The following TOX3 variants were observed in gnomAD, a reference collection of about 807,000 sequenced individuals.
The protein encoded by TOX3 is TOX high mobility group box family member 3.
A neutral mutation model predicts 64.3 loss-of-function variants in TOX3; 22 were observed. The ratio of observed to expected loss-of-function variants is 0.34; its 90% confidence interval spans 0.24 to 0.49. The LOEUF is 0.49. Ranked by LOEUF, TOX3 falls within the 20% of genes least tolerant of loss-of-function variation. TOX3 has a pLI of 0.99. For missense variants in TOX3, 661 were observed against 714.4 expected, an observed-to-expected ratio of 0.93 and a Z score of 0.85; for synonymous variants, 291 against 273.6, an observed-to-expected ratio of 1.06 and a Z score of -0.63.
rs371243582 is a variant in TOX3, at chr16:52,439,459, C to T, written c.1497G>A (p.Gln499=). Residue 499 remains glutamine (Q), a synonymous_variant, in exon 7 of 7, where the codon CAG becomes CAA. Coordinates refer to ENST00000219746, the MANE Select transcript of TOX3 (RefSeq NM_001080430.4). The part of the protein sequence containing the change: ...HLQQQQQHLQ[Q]QINQQQLQQQ... ...GCTGCAGCTGCTGTTGATTAATTTG[C>T]TGCTGGAGATGCTGCTGCTGCTGCT... The T allele has an allele frequency of 9.9e-5, 147 of 1,486,452 alleles. 3 individuals are homozygous for T. Among genetic ancestry groups the T allele is most frequent in the South Asian group, 8.7e-4 (73 of 83,526 alleles). 92.1% of individuals were successfully genotyped at this position (1,486,452 alleles called of 1,614,324 possible). A position where few individuals can be genotyped will look rare whatever the true frequency, so the allele number is the denominator to read the frequency against.
intron 1 of TOX3, among the ~76,000 whole-genome samples, chr16:52,509,616 C>T (rs1206267193): frequency 6.6e-6 from 1 of 152,158 alleles, no homozygotes; most frequent in Non-Finnish European, 1.5e-5. Context: ...CAGAGAATCT[C>T]ATATTAAATT....
chr16:52,515,839 G>A (rs757447116), intron 1 of TOX3, among the ~76,000 whole-genome samples: 14 of 152,114 alleles, frequency 9.2e-5, no homozygotes, highest in Non-Finnish European at 1.9e-4. Flanking sequence ...ATTTGCACTA[G>A]CATTAATCAA....
chr16:52,454,172 C>A (rs964209944), intron 3 of TOX3, among the ~76,000 whole-genome samples: 1 of 152,026 alleles, frequency 6.6e-6, no homozygotes. Context: ...TGCCATCATC[C>A]CCCTTTAACA....
At chr16:52,495,265 A>T (rs1961813297) in intron 1 of TOX3, among the ~76,000 whole-genome samples, 1 of 152,192 alleles carries the variant, frequency 6.6e-6, no homozygotes, top group Non-Finnish European at 1.5e-5. Context: ...CTAATTCCCC[A>T]AAATGCAATT....
chr16:52,487,962 C>G (rs1961575904), intron 1 of TOX3, among the ~76,000 whole-genome samples: 1 of 152,102 alleles, frequency 6.6e-6, no homozygotes, highest in Admixed American at 6.6e-5. Context: ...AAAAATGAAA[C>G]TGACCCATAT....
intron 1 of TOX3, among the ~76,000 whole-genome samples, chr16:52,536,399 G>C (rs1386543161): frequency 6.6e-6 from 1 of 151,526 alleles, no homozygotes; most frequent in Non-Finnish European, 1.5e-5. Context: ...GACATTTGGG[G>C]AGAGGGCTCT....
chr16:52,439,396 T>TTGCAGCTGCTGCAGCTGGAGGCGCTGC lies in TOX3; in HGVS notation c.1533_1559dup (p.Gln512_Gln520dup). 3.8e-6 allele frequency: 6 copies of TTGCAGCTGCTGCAGCTGGAGGCGCTGC among 1,590,796 alleles called. No individual in the cohort carries two copies. Among genetic ancestry groups the TTGCAGCTGCTGCAGCTGGAGGCGCTGC allele is most frequent in the Non-Finnish European group, 5.1e-6 (6 of 1,167,380 alleles). ...AAGGCTGAGACTGGTGCTGCATGTG[T>TTGCAGCTGCTGCAGCTGGAGGCGCTGC]TGCAGCTGCTGCAGCTGGAGGCGCT... On this transcript the variant is annotated inframe_insertion, in exon 7 of 7. Coordinates refer to ENST00000219746, the MANE Select transcript of TOX3 (RefSeq NM_001080430.4).
intron 1 of TOX3, among the ~76,000 whole-genome samples, chr16:52,545,205 T>C (rs1963149434): frequency 6.6e-6 from 1 of 152,146 alleles, no homozygotes; most frequent in Admixed American, 6.5e-5. Context: ...TTTTCTTGCC[T>C]CTCTATAAAT....
intron 1 of TOX3, among the ~76,000 whole-genome samples, chr16:52,492,580 T>TAC (rs1236507342): frequency 1.4e-5 from 2 of 138,306 alleles, no homozygotes; most frequent in Admixed American, 1.5e-4. Context: ...TATATATATA[T>TAC]ATATATATAT....
intron 1 of TOX3, among the ~76,000 whole-genome samples, chr16:52,522,814 TTTTG>T (rs1164764357): frequency 2.6e-5 from 4 of 152,326 alleles, no homozygotes; most frequent in Non-Finnish European, 4.4e-5. Flanking sequence ...AGAAGCATTT[TTTTG>T]TTTGTTTGTT....
rs67145443 is a variant in TOX3 at position 52,437,789 on chromosome 16, TAAAAAAAAAAAA to T, written c.*1424_*1435del. ...CTATACTTACCTTGTACTTGCATCT[TAAAAAAAAAAAA>T]AAAAAAAAAAAAGACAATTACACAA... On this transcript the variant is annotated 3_prime_UTR_variant, in exon 7 of 7. Transcript: ENST00000219746. Among the ~76,000 whole-genome samples, 1 of 111,368 alleles carries T rather than the reference TAAAAAAAAAAAA, an allele frequency of 9.0e-6. No homozygotes were observed. The highest frequency in any genetic ancestry group is 3.2e-4 in the South Asian group (1 of 3,096). The allele number at this position is 111,368 out of a possible 152,430, so 73.1% of individuals were successfully genotyped here. A position where few individuals can be genotyped will look rare whatever the true frequency, so the allele number is the denominator to read the frequency against.
At chr16:52,515,669 A>G (rs1488145300) in intron 1 of TOX3, among the ~76,000 whole-genome samples, 2 of 152,218 alleles carry the variant, frequency 1.3e-5, no homozygotes, top group Non-Finnish European at 2.9e-5. Flanking sequence ...ACGATTTAAG[A>G]GCTTTGAATT....
chr16:52,515,195 A>AAG (rs1555487077), intron 1 of TOX3, among the ~76,000 whole-genome samples: 1 of 150,664 alleles, frequency 6.6e-6, no homozygotes, highest in African/African-American at 2.5e-5. Context: ...TAAAAAAAAA[A>AAG]AAAGAAAAAG....
chr16:52,538,114 G>C (rs943562835), intron 1 of TOX3, among the ~76,000 whole-genome samples: 1 of 151,946 alleles, frequency 6.6e-6, no homozygotes, highest in Non-Finnish European at 1.5e-5. Context: ...ATTTTTATTA[G>C]AATTTTTAAA....
intron 1 of TOX3, among the ~76,000 whole-genome samples, chr16:52,491,056 C>G (rs1961670639): frequency 6.6e-6 from 1 of 152,178 alleles, no homozygotes; most frequent in Non-Finnish European, 1.5e-5. Flanking sequence ...GGTTAAAATA[C>G]TTCCACAGTT....
chr16:52,522,030 G>A (rs900935757), intron 1 of TOX3, among the ~76,000 whole-genome samples: 7 of 152,216 alleles, frequency 4.6e-5, no homozygotes, highest in Admixed American at 2.0e-4. Flanking sequence ...GACATTAATA[G>A]TACTTACCTT....
Position 52,439,500 on chromosome 16 carries a change from T to G in TOX3, c.1456A>C (p.Met486Leu). 1.4e-6 allele frequency: 2 copies of G among 1,393,732 alleles called. No individual in the cohort carries two copies. Among genetic ancestry groups the G allele is most frequent in the Non-Finnish European group, 2.0e-6 (2 of 1,003,708 alleles). The allele number at this position is 1,393,732 out of a possible 1,614,324, so 86.3% of individuals were successfully genotyped here. Residue 486 changes from methionine (M) to leucine (L), a missense_variant, in exon 7 of 7, where the codon ATG becomes CTG. By Grantham distance (15) the Met-to-Leu change is conservative. Coordinates refer to ENST00000219746, the MANE Select transcript of TOX3 (RefSeq NM_001080430.4). Reference protein sequence around the residue: ...QMQQQHFQHHMQQHLQQQQQH... With the variant: ...QMQQQHFQHHLQQHLQQQQQH... Reference sequence around the variant, plus strand: ...TGCTGCTGCTGCAGGTGCTGCTGCATGTGGTGCTGGAAATGCTGCTGCTGC... The same window carrying G: ...TGCTGCTGCTGCAGGTGCTGCTGCAGGTGGTGCTGGAAATGCTGCTGCTGC...
intron 1 of TOX3, among the ~76,000 whole-genome samples, chr16:52,515,846 T>A (rs925989875): frequency 4.6e-5 from 7 of 152,242 alleles, no homozygotes; most frequent in Non-Finnish European, 1.0e-4. Context: ...CTAGCATTAA[T>A]CAACATCCAA....
At chr16:52,467,800 G>T (rs1281971897) in intron 2 of TOX3, among the ~76,000 whole-genome samples, 1 of 152,174 alleles carries the variant, frequency 6.6e-6, no homozygotes, top group Non-Finnish European at 1.5e-5. Context: ...AGTAAAAAGA[G>T]CAGCAAGAAG....
Sources: gnomAD v4.1 joint callset for allele counts (sites outside exome capture counted in the v4.1 genomes callset) on GRCh38, gnomAD v4.1.1 for gene constraint, MANE v1.5 for transcripts, NCBI Gene and HGNC (gene_info 2026-07-23, HGNC 2026-07-21) for gene names.